PMEPA1: variants seen among roughly 807,000 people sequenced by gnomAD.
PMEPA1 encodes the protein protein TMEPAI.
A neutral mutation model predicts 23.0 loss-of-function variants in PMEPA1; 11 were observed. That is an observed-to-expected ratio of 0.48 (90% CI 0.30 to 0.79). The LOEUF is 0.79. Among genes scored for constraint, PMEPA1 ranks in the 30% least tolerant of loss-of-function variants. The probability of loss-of-function intolerance (pLI) is 0.06; values close to 1 mark genes in which losing one functional copy is unlikely to be tolerated. For synonymous variants in PMEPA1, 204 were observed against 166.4 expected (o/e 1.23, Z -1.74); for missense variants, 377 against 390.9 (o/e 0.96, Z 0.30).
intron 1 of PMEPA1, among the ~76,000 whole-genome samples, chr20:57,672,236 T>C (rs999294048): frequency 6.6e-6 from 1 of 152,266 alleles, no homozygotes; most frequent in Non-Finnish European, 1.5e-5. Context: ...CATGTGTGTT[T>C]CCAACCGGCC....
intron 1 of PMEPA1, among the ~76,000 whole-genome samples, chr20:57,672,071 T>C (rs776713815): frequency 2.0e-5 from 3 of 152,268 alleles, no homozygotes; most frequent in African/African-American, 4.8e-5. Flanking sequence ...TTGTTCATGA[T>C]GACTTCTTCT....
intron 1 of PMEPA1, chr20:57,699,917 A>G: frequency 2.4e-6 from 1 of 410,796 alleles, no homozygotes; most frequent in South Asian, 1.8e-5. Flanking sequence ...GTTGGAACGC[A>G]CATGTTTCGA....
rs1198531166 is a variant in PMEPA1, at chr20:57,652,455, G to A, written c.462C>T (p.Asp154=). 1.2e-6 allele frequency: 2 copies of A among 1,612,752 alleles called. No individual in the cohort carries two copies. Among genetic ancestry groups the A allele is most frequent in the African/African-American group, 1.3e-5 (1 of 75,020 alleles). The change falls in exon 4 of 4, where the codon GAC becomes GAT. Residue 154 remains aspartate (D), a synonymous_variant. Coordinates refer to ENST00000341744, the MANE Select transcript of PMEPA1 (RefSeq NM_020182.5). This position sits in a 1 kb window ranked among gnomAD's most constrained non-coding sequence, Gnocchi z 6.1. ...CCTGGTAGGGTGGGGGCTCCTCCCC[G>A]TCTGACAGCGAGATGGTGGGTGGCA... The part of the protein sequence containing the change: ...IDLPPTISLS[D]GEEPPPYQGP...
At chr20:57,705,533 A>G (rs1356328214) in intron 1 of PMEPA1, among the ~76,000 whole-genome samples, 1 of 152,202 alleles carries the variant, frequency 6.6e-6, no homozygotes, top group East Asian at 1.9e-4. Context: ...AAGCAAATCC[A>G]AGACGAAAAC....
intron 1 of PMEPA1, among the ~76,000 whole-genome samples, chr20:57,666,487 G>A (rs2071494359): frequency 1.3e-5 from 2 of 152,176 alleles, no homozygotes; most frequent in South Asian, 2.1e-4. Context: ...ACAGTCCAAG[G>A]CTCAGAAATG....
intron 1 of PMEPA1, among the ~76,000 whole-genome samples, chr20:57,685,817 A>C (rs2071793862): frequency 6.6e-6 from 1 of 152,170 alleles, no homozygotes; most frequent in Admixed American, 6.5e-5. Context: ...GTGGCAAAAA[A>C]AGGTTACATG....
At chr20:57,676,839 G>T (rs1018277957) in intron 1 of PMEPA1, among the ~76,000 whole-genome samples, 1 of 152,164 alleles carries the variant, frequency 6.6e-6, no homozygotes, top group Non-Finnish European at 1.5e-5. Context: ...GTTTCTCCAC[G>T]TGGCCTCCTT....
intron 1 of PMEPA1, among the ~76,000 whole-genome samples, chr20:57,661,206 GGAA>G (rs763158256): frequency 2.0e-4 from 31 of 152,340 alleles, no homozygotes; most frequent in Admixed American, 1.2e-3. Context: ...TGCTGGAATA[GGAA>G]GAAGGTTATT....
At chr20:57,688,171 C>A (rs544665952) in intron 1 of PMEPA1, among the ~76,000 whole-genome samples, 1 of 152,334 alleles carries the variant, frequency 6.6e-6, no homozygotes, top group African/African-American at 2.4e-5. Context: ...GGTGTTTCTC[C>A]CCATTCCAAG....
At chr20:57,701,324 G>A (rs1307356057) in intron 1 of PMEPA1, among the ~76,000 whole-genome samples, 1 of 152,130 alleles carries the variant, frequency 6.6e-6, no homozygotes, top group Non-Finnish European at 1.5e-5. Context: ...ACCTTCCTCC[G>A]TGAGGACAAT....
At chr20:57,707,572 C>G (rs1245251698) in intron 1 of PMEPA1, among the ~76,000 whole-genome samples, 1 of 151,748 alleles carries the variant, frequency 6.6e-6, no homozygotes, top group East Asian at 1.9e-4. Context: ...AGGCATTTAA[C>G]AAGAGGCCTT....
At chr20:57,703,036 T>A (rs1428897429) in intron 1 of PMEPA1, among the ~76,000 whole-genome samples, 2 of 152,260 alleles carry the variant, frequency 1.3e-5, no homozygotes, top group Admixed American at 6.5e-5. Flanking sequence ...TGCCAGTGCC[T>A]GCCTGACAAG....
chr20:57,668,366 C>T (rs73302954), intron 1 of PMEPA1, among the ~76,000 whole-genome samples: 4 of 152,326 alleles, frequency 2.6e-5, no homozygotes, highest in Middle Eastern at 3.4e-3. Flanking sequence ...TCTCCTGGTA[C>T]CCTCATCTGA....
chr20:57,653,365 T>A (rs1244983383), intron 2 of PMEPA1, among the ~76,000 whole-genome samples: 1 of 152,028 alleles, frequency 6.6e-6, no homozygotes, highest in Non-Finnish European at 1.5e-5. Flanking sequence ...GGGGCCCCCT[T>A]CTCAAAGCTG....
In PMEPA1 at chr20:57,651,801, T is replaced by C. The variant is rs536534774; in HGVS notation, c.*252A>G. 4.3e-5 allele frequency: 15 copies of C among 346,794 alleles called. No individual in the cohort carries two copies. In the South Asian group the frequency reaches 2.2e-3, roughly 52 times the overall value. The allele number at this position is 346,794 out of a possible 1,614,324, so 21.5% of individuals were successfully genotyped here. A position where few individuals can be genotyped will look rare whatever the true frequency, so the allele number is the denominator to read the frequency against. ...GACTACTGTAGAAATTTTTTTTCTT[T>C]TGCCTTCAAGACACAGCTCAACAAA... On this transcript the variant is annotated 3_prime_UTR_variant, in exon 4 of 4. Coordinates refer to ENST00000341744, the MANE Select transcript of PMEPA1 (RefSeq NM_020182.5).
At chr20:57,696,945 C>T (rs576153129) in intron 1 of PMEPA1, among the ~76,000 whole-genome samples, 1 of 152,312 alleles carries the variant, frequency 6.6e-6, no homozygotes, top group African/African-American at 2.4e-5. Flanking sequence ...AATGCTTACT[C>T]CGGGCAGCCA....
At chr20:57,659,795 C>T (rs900361586) in intron 1 of PMEPA1, 98 bp from the exon 2 acceptor site, 45 of 1,143,468 alleles carry the variant, frequency 3.9e-5, no homozygotes, top group Admixed American at 1.1e-4. Context: ...CCTAGGGGGA[C>T]GAGAGTGCAA....
chr20:57,694,704 C>T (rs1401886108), intron 1 of PMEPA1, among the ~76,000 whole-genome samples: 1 of 152,162 alleles, frequency 6.6e-6, no homozygotes, highest in Admixed American at 6.5e-5. Flanking sequence ...TTGCATGTAG[C>T]GCCATGTAAG....
At chr20:57,662,510 C>T (rs1488112683) in intron 1 of PMEPA1, among the ~76,000 whole-genome samples, 1 of 152,202 alleles carries the variant, frequency 6.6e-6, no homozygotes. Context: ...GCCTGTGGGA[C>T]ACCCGCATGT....
Sources: gnomAD v4.1 joint callset for allele counts (sites outside exome capture counted in the v4.1 genomes callset) on GRCh38, gnomAD v4.1.1 for gene constraint, Gnocchi (gnomAD v3.1) non-coding constraint, MANE v1.5 for transcripts, NCBI Gene and HGNC (gene_info 2026-07-23, HGNC 2026-07-21) for gene names.